The following CSMD1 variants were observed in gnomAD, a reference collection of about 807,000 sequenced individuals.
The protein encoded by CSMD1 is CUB and sushi domain-containing protein 1.
A neutral mutation model predicts 417.5 loss-of-function variants in CSMD1; 213 were observed. That is an observed-to-expected ratio of 0.51 (90% CI 0.46 to 0.57). The LOEUF (loss-of-function observed/expected upper bound fraction) is 0.57, where lower values mean the gene tolerates loss of function less well. Ranked by LOEUF, CSMD1 falls within the 20% of genes least tolerant of loss-of-function variation. CSMD1 has a pLI of 0.00. For synonymous variants in CSMD1, 2,862 were observed against 1,736.8 expected, an observed-to-expected ratio of 1.65 and a Z score of -16.11; for missense variants, 6,923 against 4,529.7, an observed-to-expected ratio of 1.53 and a Z score of -15.17.
intron 1 of CSMD1, among the ~76,000 whole-genome samples, chr8:4,989,985 G>T (rs1811377341): frequency 6.6e-6 from 1 of 152,138 alleles, no homozygotes; most frequent in African/African-American, 2.4e-5. Flanking sequence ...TGTGGTTGTG[G>T]CAGTCGTCTT....
intron 25 of CSMD1, among the ~76,000 whole-genome samples, chr8:3,306,137 A>G (rs1804824356): frequency 6.6e-6 from 1 of 152,060 alleles, no homozygotes; most frequent in Non-Finnish European, 1.5e-5. Flanking sequence ...ACTTCATCCC[A>G]TTTTATTTTT....
chr8:3,301,774 G>A (rs770252164), intron 25 of CSMD1, among the ~76,000 whole-genome samples: 1 of 152,190 alleles, frequency 6.6e-6, no homozygotes, highest in South Asian at 2.1e-4. Context: ...AACGTACAGT[G>A]AGGGTATTTG....
intron 5 of CSMD1, among the ~76,000 whole-genome samples, chr8:3,774,565 C>T (rs12114123): frequency 0.035 from 5,305 of 152,174 alleles, 330 homozygotes; most frequent in African/African-American, 0.12. Flanking sequence ...GTGGACAGAA[C>T]GTCATGTCTT....
chr8:4,981,206 A>G (rs959764226), intron 1 of CSMD1, among the ~76,000 whole-genome samples: 2 of 152,206 alleles, frequency 1.3e-5, no homozygotes, highest in Admixed American at 6.5e-5. Flanking sequence ...ACATTCATGA[A>G]GGCAGTACAG....
In CSMD1 at chr8:4,307,202, C is replaced by T. The variant is rs151271083; in HGVS notation, c.415+112751G>A. On this transcript the variant is annotated intron_variant, in intron 3 of 69. Coordinates refer to ENST00000635120, the MANE Select transcript of CSMD1 (RefSeq NM_033225.6). ...TTAATACTGTATCAACCCCCTTCTA[C>T]GGCTCATTATTTTTATAATACAGCT... 4.5e-3 allele frequency among the ~76,000 whole-genome samples: 689 copies of T among 152,234 alleles called. 7 individuals are homozygous for T. Among genetic ancestry groups the T allele is most frequent in the Non-Finnish European group, 6.1e-3 (416 of 68,018 alleles).
chr8:3,331,271 T>C lies in CSMD1; in HGVS notation c.3631+12023A>G, dbSNP rs1161147980. Among the ~76,000 whole-genome samples, 3 of 151,626 alleles carry C rather than the reference T, an allele frequency of 2.0e-5. No homozygotes were observed. The East Asian group carries it at 5.8e-4, about 29-fold the overall frequency. On this transcript the variant is annotated intron_variant, in intron 23 of 69. Transcript: ENST00000635120. ...AAAAAAAGAAAAGCAACTTCCCTATTTAGATTCTGATTTCAGACTGAGGGA... is the reference window on the plus strand; with the variant it reads ...AAAAAAAGAAAAGCAACTTCCCTATCTAGATTCTGATTTCAGACTGAGGGA...
At chr8:4,705,427 C>A (rs928133391) in intron 1 of CSMD1, among the ~76,000 whole-genome samples, 1 of 152,162 alleles carries the variant, frequency 6.6e-6, no homozygotes, top group African/African-American at 2.4e-5. Flanking sequence ...AAACCCTAAT[C>A]CCCAGTCGCC....
At chr8:3,492,472 C>G (rs183475416) in intron 11 of CSMD1, among the ~76,000 whole-genome samples, 1 of 152,066 alleles carries the variant, frequency 6.6e-6, no homozygotes, top group East Asian at 1.9e-4. Context: ...ATGAAAGACG[C>G]TTCTGGTTTA....
At chr8:2,940,468 G>C (rs1218863361) in intron 69 of CSMD1, among the ~76,000 whole-genome samples, 4 of 152,106 alleles carry the variant, frequency 2.6e-5, no homozygotes, top group Non-Finnish European at 4.4e-5. Flanking sequence ...ATTCCCCACC[G>C]ACCCAGAGGA....
chr8:3,494,265 T>G (rs866910733), intron 10 of CSMD1, among the ~76,000 whole-genome samples: 1 of 152,230 alleles, frequency 6.6e-6, no homozygotes, highest in African/African-American at 2.4e-5. Context: ...AAGAATACTT[T>G]GTCATGATGA....
chr8:3,008,954 A>G (rs914414033), intron 52 of CSMD1, among the ~76,000 whole-genome samples: 1 of 152,178 alleles, frequency 6.6e-6, no homozygotes, highest in South Asian at 2.1e-4. Flanking sequence ...TCCGACAAGT[A>G]CCTAGACCTG....
At chr8:3,968,561 C>G (rs76693715) in intron 5 of CSMD1, among the ~76,000 whole-genome samples, 7 of 152,160 alleles carry the variant, frequency 4.6e-5, no homozygotes, top group African/African-American at 1.4e-4. Flanking sequence ...AAGGTTTGAA[C>G]AATAACCAAG....
At chr8:3,414,429 C>G (rs1470679586) in intron 12 of CSMD1, among the ~76,000 whole-genome samples, 1 of 152,090 alleles carries the variant, frequency 6.6e-6, no homozygotes, top group Non-Finnish European at 1.5e-5. Flanking sequence ...TAGCTATATT[C>G]CCAAACATGC....
intron 54 of CSMD1, among the ~76,000 whole-genome samples, chr8:2,984,460 T>C (rs903342302): frequency 1.2e-4 from 18 of 152,142 alleles, no homozygotes; most frequent in African/African-American, 4.3e-4. Context: ...GAGATTCTCC[T>C]GTCTCAGCCT....
Position 3,157,920 on chromosome 8 carries a change from T to C in CSMD1, c.5891A>G (p.Asn1964Ser). 1 of 1,554,780 alleles carries C rather than the reference T, an allele frequency of 6.4e-7. No homozygotes were observed. Among genetic ancestry groups the C allele is most frequent in the Non-Finnish European group, 8.7e-7 (1 of 1,148,698 alleles). ...SCMPGTVRRWNYPSPLCIATC... is the reference protein window; with the variant it reads ...SCMPGTVRRWSYPSPLCIATC... ...ACCAATGCACAGGGGAGACGGATAGTTCCAACGGCGAACGGTCCCTGGCAT... is the reference window on the plus strand; with the variant it reads ...ACCAATGCACAGGGGAGACGGATAGCTCCAACGGCGAACGGTCCCTGGCAT... Residue 1964 changes from asparagine to serine, a missense_variant, in exon 39 of 70, where the codon AAC (asparagine) becomes AGC (serine). Physicochemically the swap from Asn to Ser is conservative, Grantham distance 46. Transcript: ENST00000635120.
intron 1 of CSMD1, chr8:4,787,539 C>A (rs545884146): frequency 2.2e-6 from 3 of 1,357,466 alleles, no homozygotes; most frequent in African/African-American, 2.8e-5. Context: ...ATTAAAACTG[C>A]CTTCACCAGA....
At chr8:3,584,818 C>T (rs549422276) in intron 9 of CSMD1, among the ~76,000 whole-genome samples, 23 of 152,030 alleles carry the variant, frequency 1.5e-4, no homozygotes, top group Non-Finnish European at 2.8e-4. Context: ...AAAAATAATC[C>T]ATGTGACTCG....
chr8:3,292,906 A>T (rs1031869555), intron 25 of CSMD1, among the ~76,000 whole-genome samples: 1 of 148,386 alleles, frequency 6.7e-6, no homozygotes, highest in East Asian at 2.0e-4. Flanking sequence ...TAGTTGATGC[A>T]GTTTCTTCCT....
chr8:4,944,167 G>T (rs556092066), intron 1 of CSMD1, among the ~76,000 whole-genome samples: 1 of 152,066 alleles, frequency 6.6e-6, no homozygotes, highest in Admixed American at 6.6e-5. Context: ...TCATGAAAGA[G>T]AAAAAATCCA....
Sources: allele counts gnomAD v4.1 joint callset (sites outside exome capture counted in the v4.1 genomes callset), GRCh38; gene constraint gnomAD v4.1.1; transcripts MANE v1.5; gene names NCBI Gene and HGNC (gene_info 2026-07-23, HGNC 2026-07-21).